PCSK5: variants seen among roughly 807,000 people sequenced by gnomAD.
PCSK5 encodes the protein prohormone convertase 5.
In PCSK5, 129 loss-of-function variants were observed where a neutral mutation model predicts 233.2. The ratio of observed to expected loss-of-function variants is 0.55; its 90% CI spans 0.48 to 0.64. The LOEUF is 0.64. PCSK5 is among the 30% of genes least tolerant of loss of function. PCSK5 has a pLI of 0.00. For missense variants in PCSK5, 2,076 were observed against 2,430.1 expected (o/e 0.85, Z 3.06); for synonymous variants, 825 against 879.2 (o/e 0.94, Z 1.09).
chr9:76,040,306 T>C (rs372522137), intron 5 of PCSK5, among the ~76,000 whole-genome samples: 26 of 149,920 alleles, frequency 1.7e-4, no homozygotes, highest in Middle Eastern at 7.2e-3. Context: ...AAGGTCTCAC[T>C]CCCTTAGATG....
intron 3 of PCSK5, among the ~76,000 whole-genome samples, chr9:76,021,686 T>G (rs1221404777): frequency 6.6e-6 from 1 of 152,180 alleles, no homozygotes. Flanking sequence ...CTCAAATGTA[T>G]TTATAACACT....
chr9:76,242,344 A>G (rs966725687), intron 24 of PCSK5, among the ~76,000 whole-genome samples: 4 of 152,144 alleles, frequency 2.6e-5, no homozygotes, highest in Non-Finnish European at 4.4e-5. Context: ...GAAAAGATAC[A>G]TTTTCTATAA....
At chr9:76,216,957 C>G (rs768682046) in intron 20 of PCSK5, among the ~76,000 whole-genome samples, 5 of 152,198 alleles carry the variant, frequency 3.3e-5, no homozygotes, top group Admixed American at 3.3e-4. Flanking sequence ...TCGACTGCCT[C>G]AGCCTCCCAA....
At chr9:75,895,267 G>A (rs1304580870) in intron 1 of PCSK5, among the ~76,000 whole-genome samples, 1 of 152,188 alleles carries the variant, frequency 6.6e-6, no homozygotes, top group Admixed American at 6.5e-5. Context: ...TCTGTAAAAT[G>A]ATAAATCTCT....
chr9:76,169,041 A>T (rs1458836383), intron 12 of PCSK5, among the ~76,000 whole-genome samples: 2 of 152,164 alleles, frequency 1.3e-5, no homozygotes, highest in Admixed American at 6.5e-5. Context: ...ATTAGTAGTT[A>T]TTACTGGGTA....
intron 2 of PCSK5, among the ~76,000 whole-genome samples, chr9:75,974,516 TC>T (rs1334936392): frequency 2.0e-5 from 3 of 152,114 alleles, no homozygotes; most frequent in African/African-American, 7.2e-5. Flanking sequence ...GGCATGCTTT[TC>T]CCCCACCCTG....
At chr9:75,975,848 AAAAGACAAAT>A (rs1825992974) in intron 2 of PCSK5, among the ~76,000 whole-genome samples, 1 of 152,202 alleles carries the variant, frequency 6.6e-6, no homozygotes, top group Non-Finnish European at 1.5e-5. Flanking sequence ...ATGATTATTC[AAAAGACAAAT>A]AAATGTAGAA....
At chr9:76,226,071 T>C (rs10869738) in intron 20 of PCSK5, among the ~76,000 whole-genome samples, 68,519 of 151,936 alleles carry the variant, frequency 0.45, 15,766 homozygotes, top group African/African-American at 0.5. Context: ...AAAAATTGTA[T>C]ATAAGTTTCC....
chr9:76,179,041 A>T (rs1823734897), intron 14 of PCSK5, among the ~76,000 whole-genome samples: 1 of 152,058 alleles, frequency 6.6e-6, no homozygotes, highest in Non-Finnish European at 1.5e-5. Flanking sequence ...TTTGTGTAGG[A>T]TGCAATTTTA....
chr9:76,318,545 G>T (rs1056548646), intron 30 of PCSK5, among the ~76,000 whole-genome samples: 6 of 152,120 alleles, frequency 3.9e-5, no homozygotes, highest in Non-Finnish European at 7.3e-5. Context: ...GAGGATTGGG[G>T]TTGTATATTT....
At chr9:75,945,226 G>A (rs149905833) in intron 2 of PCSK5, among the ~76,000 whole-genome samples, 43 of 151,428 alleles carry the variant, frequency 2.8e-4, no homozygotes, top group South Asian at 2.1e-4. Context: ...AATAACATAC[G>A]TGGAACTTTT....
intron 10 of PCSK5, among the ~76,000 whole-genome samples, chr9:76,139,661 G>A (rs1458142536): frequency 6.6e-6 from 1 of 151,862 alleles, no homozygotes; most frequent in Non-Finnish European, 1.5e-5. Flanking sequence ...AAGATTCTAT[G>A]TTTTCTACCA....
chr9:76,190,329 C>A (rs567594845), intron 20 of PCSK5, among the ~76,000 whole-genome samples: 1 of 76,796 alleles, frequency 1.3e-5, no homozygotes, highest in Non-Finnish European at 2.7e-5. Context: ...CCACCCACTA[C>A]TGATTTTTTT....
chr9:76,326,815 A>G (rs1393223185), intron 32 of PCSK5, among the ~76,000 whole-genome samples: 1 of 151,512 alleles, frequency 6.6e-6, no homozygotes, highest in East Asian at 1.9e-4. Flanking sequence ...CCATAAGCCA[A>G]GAGCAAAAAT....
Position 76,338,448 on chromosome 9 carries a change from G to T in PCSK5, c.4966+1G>T. ...CATCCGACTTGTGATCAATGCAAAG[G>T]TGAGAGTCTACCTGTCATTTTGCAT... On this transcript the variant is annotated splice_donor_variant, in intron 35 of 37. Coordinates refer to ENST00000674117, the MANE Select transcript of PCSK5 (RefSeq NM_001372043.1). LOFTEE classifies it high-confidence loss of function. 1 of 1,598,356 alleles carries T rather than the reference G, an allele frequency of 6.3e-7. No homozygotes were observed. Among genetic ancestry groups the T allele is most frequent in the Non-Finnish European group, 8.6e-7 (1 of 1,166,818 alleles).
chr9:76,192,067 C>CAAAAAAAAAAAAAAAAAAAAAAAAAAAA (rs5898457), intron 20 of PCSK5, among the ~76,000 whole-genome samples: 1 of 101,228 alleles, frequency 9.9e-6, no homozygotes, highest in Non-Finnish European at 1.9e-5. Context: ...AAGACTGTCT[C>CAAAAAAAAAAAAAAAAAAAAAAAAAAAA]AAAAAAAAAA....
chr9:76,077,179 C>T (rs1830671312), intron 7 of PCSK5, among the ~76,000 whole-genome samples: 3 of 152,144 alleles, frequency 2.0e-5, no homozygotes, highest in Non-Finnish European at 2.9e-5. Flanking sequence ...TCTGTGGCCA[C>T]ATACTCTAGC....
At chr9:75,889,993 C>T (rs1463318699), upstream of PCSK5, among the ~76,000 whole-genome samples, 1 of 152,192 alleles carries the variant, frequency 6.6e-6, no homozygotes, top group East Asian at 1.9e-4. Context: ...GAGTTATTTC[C>T]TTGGCCCAAC....
At chr9:76,042,380 G>A (rs2131534196) in intron 5 of PCSK5, among the ~76,000 whole-genome samples, 1 of 152,330 alleles carries the variant, frequency 6.6e-6, no homozygotes, top group South Asian at 2.1e-4. Flanking sequence ...AGGCACCATG[G>A]TGGCTCACGC....
Sources: allele counts gnomAD v4.1 joint callset (sites outside exome capture counted in the v4.1 genomes callset), GRCh38; gene constraint gnomAD v4.1.1; transcripts MANE v1.5; gene names NCBI Gene and HGNC (gene_info 2026-07-23, HGNC 2026-07-21).